PLPPR1: variants seen among roughly 807,000 people sequenced by gnomAD.
PLPPR1 encodes the protein phospholipid phosphatase related 1, also known as phospholipid phosphatase-related protein type 1.
PLPPR1 carries 10 observed loss-of-function variants against 33.1 expected under a neutral mutation model. The ratio of observed to expected loss-of-function variants is 0.30; its 90% CI spans 0.19 to 0.51. The LOEUF (loss-of-function observed/expected upper bound fraction) is 0.51. PLPPR1 is among the 20% of genes least tolerant of loss of function. The pLI is 0.97. For missense variants in PLPPR1, 304 were observed against 408.1 expected (o/e 0.74, Z 2.20); for synonymous variants, 151 against 151.0 (o/e 1.00, Z 0.00).
intron 1 of PLPPR1, among the ~76,000 whole-genome samples, chr9:101,139,893 TGA>T (rs2118629465): frequency 6.6e-6 from 1 of 152,310 alleles, no homozygotes; most frequent in African/African-American, 2.4e-5. Flanking sequence ...AACTAAGGAC[TGA>T]GGGCCTGGAA....
intron 1 of PLPPR1, among the ~76,000 whole-genome samples, chr9:101,126,999 A>G (rs1831253330): frequency 6.6e-6 from 1 of 152,194 alleles, no homozygotes; most frequent in Non-Finnish European, 1.5e-5. Flanking sequence ...TGCTCTGGGA[A>G]CCATGGGCAA....
chr9:101,257,421 C>T (rs1413178352), intron 2 of PLPPR1, among the ~76,000 whole-genome samples: 1 of 152,100 alleles, frequency 6.6e-6, no homozygotes, highest in African/African-American at 2.4e-5. Context: ...TTATTATGTG[C>T]CTGTGCTAAA....
At chr9:101,240,331 A>T (rs1216677997) in intron 2 of PLPPR1, among the ~76,000 whole-genome samples, 1 of 151,928 alleles carries the variant, frequency 6.6e-6, no homozygotes, top group Non-Finnish European at 1.5e-5. Flanking sequence ...AGGTAGTGTG[A>T]TGTCTCCAGC....
intron 2 of PLPPR1, among the ~76,000 whole-genome samples, chr9:101,217,188 A>G (rs774118442): frequency 2.6e-4 from 40 of 152,272 alleles, no homozygotes; most frequent in Admixed American, 1.2e-3. Flanking sequence ...TTGAGGTAGT[A>G]ATTATTGAAA....
rs953984013 is a variant in PLPPR1 at position 101,297,937 on chromosome 9, C to CA, written c.386-11266dup. ...GACTAAGTAAGGAAGTTACATTTTC[C>CA]AAAAAAAATGTGAAGTTCAGTTCAG... On this transcript the variant is annotated intron_variant, in intron 4 of 7. Coordinates refer to ENST00000374874, the MANE Select transcript of PLPPR1 (RefSeq NM_207299.2). Among the ~76,000 whole-genome samples, 28 of 151,474 alleles carry CA rather than the reference C, an allele frequency of 1.8e-4. No homozygotes were observed. In the South Asian group the frequency reaches 2.1e-3, roughly 11 times the overall value.
chr9:101,100,434 A>G (rs867303700), intron 1 of PLPPR1, among the ~76,000 whole-genome samples: 5 of 152,202 alleles, frequency 3.3e-5, no homozygotes, highest in Middle Eastern at 3.4e-3. Context: ...AAAAAAACCT[A>G]AGACTGCATT....
intron 2 of PLPPR1, among the ~76,000 whole-genome samples, chr9:101,203,602 A>G (rs1005254526): frequency 6.7e-6 from 1 of 148,890 alleles, no homozygotes; most frequent in Non-Finnish European, 1.5e-5. Flanking sequence ...ATTTATGTGG[A>G]TCTAGTAGAA....
chr9:101,166,813 A>T (rs1177417035), intron 1 of PLPPR1, among the ~76,000 whole-genome samples: 1 of 152,066 alleles, frequency 6.6e-6, no homozygotes, highest in African/African-American at 2.4e-5. Context: ...GTTTAGCCCC[A>T]CTATGCACAC....
In PLPPR1 at chr9:101,051,002, A is replaced by G. The variant is rs113849745; in HGVS notation, c.-46+21900A>G. Among the ~76,000 whole-genome samples the G allele has an allele frequency of 1.2e-3, 179 of 152,146 alleles. 1 individual carries two copies. Among genetic ancestry groups the G allele is most frequent in the African/African-American group, 4.1e-3 (170 of 41,518 alleles). ...TAGGTTCACTTTGTCTCCTCCCAGG[A>G]CTTCCCGAAGATGATCCTTTCATAG... On this transcript the variant is annotated intron_variant, in intron 1 of 7. Transcript: ENST00000374874.
chr9:101,257,490 G>T (rs1395786081), intron 2 of PLPPR1, among the ~76,000 whole-genome samples: 3 of 152,132 alleles, frequency 2.0e-5, no homozygotes, highest in Non-Finnish European at 4.4e-5. Flanking sequence ...GGTTTAGAGG[G>T]ATTGGGATAG....
intron 2 of PLPPR1, among the ~76,000 whole-genome samples, chr9:101,245,734 C>T (rs1025898700): frequency 6.6e-6 from 1 of 151,826 alleles, no homozygotes; most frequent in Non-Finnish European, 1.5e-5. Flanking sequence ...GTTCCCTCAT[C>T]TGTAACTGGA....
At chr9:101,203,986 G>A (rs1826543918) in intron 2 of PLPPR1, among the ~76,000 whole-genome samples, 1 of 152,088 alleles carries the variant, frequency 6.6e-6, no homozygotes, top group Admixed American at 6.6e-5. Flanking sequence ...GGTCTGTAAA[G>A]ATAAATATCA....
chr9:101,047,980 C>T (rs944725369), intron 1 of PLPPR1, among the ~76,000 whole-genome samples: 9 of 152,132 alleles, frequency 5.9e-5, no homozygotes, highest in Non-Finnish European at 1.3e-4. Context: ...GTGTATCTTG[C>T]GGTTTTCCTC....
chr9:101,282,317 A>C (rs1466148871), intron 3 of PLPPR1, among the ~76,000 whole-genome samples: 1 of 152,118 alleles, frequency 6.6e-6, no homozygotes, highest in Non-Finnish European at 1.5e-5. Flanking sequence ...CAAAAACTAT[A>C]TATTTCAATA....
At chr9:101,187,318 T>C (rs1248554114) in intron 2 of PLPPR1, 1 of 151,952 alleles carries the variant, frequency 6.6e-6, no homozygotes, top group Admixed American at 6.6e-5. Context: ...CTGGAAGCTG[T>C]AGTCTCCGAA....
At chr9:101,180,091 CCTTTAT>C (rs1211979134) in intron 1 of PLPPR1, among the ~76,000 whole-genome samples, 12 of 93,884 alleles carry the variant, frequency 1.3e-4, no homozygotes, top group South Asian at 4.3e-4. Flanking sequence ...AATAAACTCT[CCTTTAT>C]ATATATATAT....
At chr9:101,176,329 GA>G (rs1001627362) in intron 1 of PLPPR1, among the ~76,000 whole-genome samples, 1 of 152,114 alleles carries the variant, frequency 6.6e-6, no homozygotes, top group African/African-American at 2.4e-5. Flanking sequence ...GGGGAGCCAG[GA>G]CTTTATTTCT....
intron 3 of PLPPR1, among the ~76,000 whole-genome samples, chr9:101,284,624 ACTAT>A (rs1171708334): frequency 6.6e-6 from 1 of 152,182 alleles, no homozygotes. Flanking sequence ...TGCTTCAGAT[ACTAT>A]CTGTCTGTGT....
chr9:101,319,810 A>G (rs1017852830), intron 7 of PLPPR1, among the ~76,000 whole-genome samples: 1 of 152,198 alleles, frequency 6.6e-6, no homozygotes, highest in South Asian at 2.1e-4. Context: ...AAACAAGTGA[A>G]TTTTAAAAAG....
Sources: allele counts gnomAD v4.1 joint callset (sites outside exome capture counted in the v4.1 genomes callset), GRCh38; gene constraint gnomAD v4.1.1; transcripts MANE v1.5; gene names NCBI Gene and HGNC (gene_info 2026-07-23, HGNC 2026-07-21).